The following KCNH7 variants were observed in gnomAD, a reference collection of about 807,000 sequenced individuals.
KCNH7 encodes voltage-gated inwardly rectifying potassium channel KCNH7.
Under a neutral mutation model 120.8 loss-of-function variants are expected in KCNH7, and 49 were observed. The observed-to-expected ratio is 0.41, with a 90% CI of 0.32 to 0.51. KCNH7 has a LOEUF of 0.51. Ranked by LOEUF, KCNH7 falls within the 20% of genes least tolerant of loss-of-function variation. The pLI is 0.38. For synonymous variants in KCNH7, 547 were observed against 516.1 expected (o/e 1.06, Z -0.81); for missense variants, 1,097 against 1,446.6 (o/e 0.76, Z 3.92).
intron 2 of KCNH7, among the ~76,000 whole-genome samples, chr2:162,785,853 C>T (rs1028289896): frequency 1.3e-5 from 2 of 152,204 alleles, no homozygotes; most frequent in Middle Eastern, 3.4e-3. Flanking sequence ...TGAGAATGGA[C>T]ACTGAATTGT....
At chr2:162,611,287 TTCA>T (rs1682954453) in intron 2 of KCNH7, among the ~76,000 whole-genome samples, 1 of 152,122 alleles carries the variant, frequency 6.6e-6, no homozygotes, top group Non-Finnish European at 1.5e-5. Context: ...ACAGGCCTTA[TTCA>T]TTATCGAAGA....
In KCNH7 at chr2:162,758,553, A is replaced by G. The variant is rs572410920; in HGVS notation, c.307+77984T>C. On this transcript the variant is annotated intron_variant, in intron 2 of 15. Coordinates refer to ENST00000332142, the MANE Select transcript of KCNH7 (RefSeq NM_033272.4). ...TATATATATGTATATATGTGGCTAC[A>G]TATACATATATATGTGTATAAGTAT... Among the ~76,000 whole-genome samples, 201 of 152,226 alleles carry G rather than the reference A, an allele frequency of 1.3e-3. 1 individual carries two copies. The highest frequency in any genetic ancestry group is 4.6e-3 in the African/African-American group (193 of 41,558).
chr2:162,834,572 AT>A (rs1258468446), intron 2 of KCNH7, among the ~76,000 whole-genome samples: 1 of 152,104 alleles, frequency 6.6e-6, no homozygotes, highest in East Asian at 1.9e-4. Context: ...GGGAGTTTTA[AT>A]GCATATAACC....
At chr2:162,826,159 G>A (rs1685279848) in intron 2 of KCNH7, among the ~76,000 whole-genome samples, 2 of 152,056 alleles carry the variant, frequency 1.3e-5, no homozygotes, top group African/African-American at 4.8e-5. Flanking sequence ...TAAATGTGCT[G>A]TGGGACCAGT....
At position 162,662,829 on chromosome 2, in the gene KCNH7, T is replaced by C. The variant is rs562048364; in HGVS notation, c.308-125749A>G. ...GATTGTGTGCACAGCTTTTAATAAA[T>C]GCCTGGCAATTATTATGTGCACAAT... On this transcript the variant is annotated intron_variant, in intron 2 of 15. Transcript: ENST00000332142. 5.9e-5 allele frequency among the ~76,000 whole-genome samples: 9 copies of C among 152,326 alleles called. No homozygotes were observed. The South Asian group carries it at 1.9e-3, about 32-fold the overall frequency.
At chr2:162,708,955 G>T (rs1188255865) in intron 2 of KCNH7, among the ~76,000 whole-genome samples, 1 of 152,034 alleles carries the variant, frequency 6.6e-6, no homozygotes, top group East Asian at 1.9e-4. Flanking sequence ...ATAGATGATT[G>T]CTCTTATCTT....
intron 7 of KCNH7, among the ~76,000 whole-genome samples, chr2:162,438,742 T>C (rs1573959131): frequency 1.3e-5 from 2 of 152,162 alleles, no homozygotes; most frequent in South Asian, 2.1e-4. Flanking sequence ...GGCTAACACA[T>C]CTGGGCATTC....
Position 162,579,328 on chromosome 2 carries a change from C to T in KCNH7, c.308-42248G>A, listed in dbSNP as rs545646256. Among the ~76,000 whole-genome samples, 8 of 152,078 alleles carry T rather than the reference C, an allele frequency of 5.3e-5. No individual in the cohort carries two copies. In the South Asian group the frequency reaches 1.0e-3, roughly 20 times the overall value. On this transcript the variant is annotated intron_variant, in intron 2 of 15. Coordinates refer to ENST00000332142, the MANE Select transcript of KCNH7 (RefSeq NM_033272.4). ...TCTCTCCCGGGAAATAGAAAAGGAA[C>T]GTCAGTAAGATGCAGGCTTATTCAG...
chr2:162,828,590 A>G (rs181772300), intron 2 of KCNH7, among the ~76,000 whole-genome samples: 10 of 152,278 alleles, frequency 6.6e-5, no homozygotes, highest in Admixed American at 5.9e-4. Flanking sequence ...ATCTCAAAAA[A>G]AGAGAGAAGG....
intron 2 of KCNH7, among the ~76,000 whole-genome samples, chr2:162,688,551 A>G (rs1286856329): frequency 6.6e-6 from 1 of 152,150 alleles, no homozygotes; most frequent in African/African-American, 2.4e-5. Context: ...ATCAGAAATC[A>G]TAACATTGAA....
At chr2:162,611,200 C>A (rs1045990772) in intron 2 of KCNH7, among the ~76,000 whole-genome samples, 10 of 152,158 alleles carry the variant, frequency 6.6e-5, no homozygotes, top group Non-Finnish European at 1.0e-4. Context: ...GACCACCAGG[C>A]AGAGGAGCAA....
chr2:162,834,163 T>C (rs1207016752), intron 2 of KCNH7, among the ~76,000 whole-genome samples: 1 of 152,068 alleles, frequency 6.6e-6, no homozygotes, highest in African/African-American at 2.4e-5. Context: ...CAAGAATTTG[T>C]ATCTCATAAG....
At chr2:162,434,241 G>C (rs912966836) in intron 8 of KCNH7, among the ~76,000 whole-genome samples, 1 of 152,014 alleles carries the variant, frequency 6.6e-6, no homozygotes, top group Non-Finnish European at 1.5e-5. Context: ...GTGAGATAAA[G>C]GGATGGGGGC....
intron 2 of KCNH7, among the ~76,000 whole-genome samples, chr2:162,789,578 A>G (rs1253440079): frequency 6.6e-6 from 1 of 152,044 alleles, no homozygotes; most frequent in African/African-American, 2.4e-5. Context: ...TAGCACACAT[A>G]GAATGTTATC....
intron 2 of KCNH7, among the ~76,000 whole-genome samples, chr2:162,537,855 A>C (rs1209534603): frequency 6.6e-6 from 1 of 152,078 alleles, no homozygotes; most frequent in Non-Finnish European, 1.5e-5. Flanking sequence ...TTCCAACAGA[A>C]ACCCACAGGT....
intron 2 of KCNH7, among the ~76,000 whole-genome samples, chr2:162,741,154 A>G (rs1688112045): frequency 6.6e-6 from 1 of 151,800 alleles, no homozygotes; most frequent in Non-Finnish European, 1.5e-5. Context: ...GTCATGGCAT[A>G]GTGATATGCT....
At chr2:162,667,588 G>A (rs530127478) in intron 2 of KCNH7, among the ~76,000 whole-genome samples, 1 of 152,050 alleles carries the variant, frequency 6.6e-6, no homozygotes, top group South Asian at 2.1e-4. Flanking sequence ...CAGAACTTTT[G>A]CAACTGCTAT....
At chr2:162,700,245 G>C (rs148918361) in intron 2 of KCNH7, among the ~76,000 whole-genome samples, 1 of 152,144 alleles carries the variant, frequency 6.6e-6, no homozygotes, top group Non-Finnish European at 1.5e-5. Flanking sequence ...GGGAGGAGAC[G>C]AGAAGAGACA....
At position 162,816,584 on chromosome 2, in the gene KCNH7, A is replaced by G. The variant is rs1684925274; in HGVS notation, c.307+19953T>C. 2.6e-5 allele frequency among the ~76,000 whole-genome samples: 4 copies of G among 152,174 alleles called. No individual in the cohort carries two copies. The South Asian group carries it at 8.3e-4, about 31-fold the overall frequency. The stretch of plus-strand genomic sequence containing the variant: ...CCTAATATAGGAAAGAATTAAATGC[A>G]ATTAGTTTAGATATAGTTTTAAGAG... On this transcript the variant is annotated intron_variant, in intron 2 of 15. Coordinates refer to ENST00000332142, the MANE Select transcript of KCNH7 (RefSeq NM_033272.4).
Sources: allele counts gnomAD v4.1 joint callset (sites outside exome capture counted in the v4.1 genomes callset), GRCh38; gene constraint gnomAD v4.1.1; transcripts MANE v1.5; gene names NCBI Gene and HGNC (gene_info 2026-07-23, HGNC 2026-07-21).